The following CNIH4 variants were observed in gnomAD, a reference collection of about 807,000 sequenced individuals.
CNIH4 encodes protein cornichon homolog 4.
In CNIH4, 9 loss-of-function variants were observed where a neutral mutation model predicts 21.5. The observed-to-expected ratio is 0.42, with a 90% CI of 0.25 to 0.73. The LOEUF is 0.73. Ranked by LOEUF, CNIH4 falls within the 30% of genes least tolerant of loss-of-function variation. The probability of loss-of-function intolerance (pLI) is 0.27; values close to 1 mark genes in which losing one functional copy is unlikely to be tolerated. For missense variants in CNIH4, 159 were observed against 170.0 expected (o/e 0.94, Z 0.36); for synonymous variants, 67 against 59.1 (o/e 1.13, Z -0.61).
chr1:224,359,380 G>A (rs903677578), intron 1 of CNIH4, among the ~76,000 whole-genome samples: 4 of 152,122 alleles, frequency 2.6e-5, no homozygotes, highest in Admixed American at 2.6e-4. Context: ...TGAAAGGAGG[G>A]AATATGTGAG....
intron 1 of CNIH4, among the ~76,000 whole-genome samples, chr1:224,359,462 T>A (rs1156329238): frequency 6.6e-6 from 1 of 152,182 alleles, no homozygotes; most frequent in African/African-American, 2.4e-5. Flanking sequence ...AAGGCAGAGA[T>A]AGCTTTCCAT....
intron 3 of CNIH4, among the ~76,000 whole-genome samples, chr1:224,368,928 A>G (rs1354960938): frequency 7.3e-6 from 1 of 136,664 alleles, no homozygotes; most frequent in Non-Finnish European, 1.6e-5. Context: ...TTTTTTTGAT[A>G]TCAAAAAAAT....
intron 4 of CNIH4, among the ~76,000 whole-genome samples, chr1:224,372,966 C>T (rs1672676036): frequency 1.3e-5 from 2 of 152,058 alleles, no homozygotes; most frequent in South Asian, 4.1e-4. Flanking sequence ...AAGCAGGCTT[C>T]CTAAAATCCC....
rs1207297003 is a variant in CNIH4, at chr1:224,378,927, TTC to T, written c.*3112_*3113del. 3 of 767,622 alleles carry T rather than the reference TTC, an allele frequency of 3.9e-6. No individual in the cohort carries two copies. Among genetic ancestry groups the T allele is most frequent in the Admixed American group, 2.1e-5 (1 of 46,552 alleles). 47.6% of individuals were successfully genotyped at this position (767,622 alleles called of 1,614,324 possible). A position where few individuals can be genotyped will look rare whatever the true frequency, so the allele number is the denominator to read the frequency against. ...CTGAATGCTGAGGCTTAGTCCAGTG[TTC>T]TCTCTCCCTTACCACTCCTCTTCCC... On this transcript the variant is annotated 3_prime_UTR_variant, in exon 5 of 5. Coordinates refer to ENST00000465271, the MANE Select transcript of CNIH4 (RefSeq NM_014184.4).
In CNIH4 at chr1:224,379,111, AAAG is replaced by A. The variant is rs1672853187; in HGVS notation, c.*3294_*3296del. 18 of 1,550,388 alleles carry A rather than the reference AAAG, an allele frequency of 1.2e-5. No homozygotes were observed. Among genetic ancestry groups the A allele is most frequent in the Non-Finnish European group, 1.6e-5 (18 of 1,146,916 alleles). ...GCTAATCACCGTAACCTCGGCTGAG[AAAG>A]AAGAGGAAGCGAAATCCAAGATGCA... On this transcript the variant is annotated 3_prime_UTR_variant, in exon 5 of 5. Coordinates refer to ENST00000465271, the MANE Select transcript of CNIH4 (RefSeq NM_014184.4).
In CNIH4 at chr1:224,363,756, T is replaced by C. The variant is rs542304206; in HGVS notation, c.139-2123T>C. Reference sequence around the variant, plus strand: ...TTTCTTCAAATTTCTGATATATGACTGCCTATTCATATTTAAGGGTAAAGC... The same window carrying C: ...TTTCTTCAAATTTCTGATATATGACCGCCTATTCATATTTAAGGGTAAAGC... On this transcript the variant is annotated intron_variant, in intron 2 of 4. Coordinates refer to ENST00000465271, the MANE Select transcript of CNIH4 (RefSeq NM_014184.4). Among the ~76,000 whole-genome samples, 3 of 152,332 alleles carry C rather than the reference T, an allele frequency of 2.0e-5. No homozygotes were observed. The South Asian group carries it at 6.2e-4, about 32-fold the overall frequency.
chr1:224,360,456 T>C (rs781620037), intron 1 of CNIH4, 39 bp from the exon 2 acceptor site: 1 of 1,057,274 alleles, frequency 9.5e-7, no homozygotes. Flanking sequence ...ACTTAGTTAT[T>C]ATAAAAGAAA....
At chr1:224,363,605 G>A (rs1307577996) in intron 2 of CNIH4, among the ~76,000 whole-genome samples, 1 of 152,136 alleles carries the variant, frequency 6.6e-6, no homozygotes, top group Non-Finnish European at 1.5e-5. Context: ...GACTGCAGAT[G>A]TGCACCACCA....
At chr1:224,357,895 A>G (rs1428587495) in intron 1 of CNIH4, among the ~76,000 whole-genome samples, 2 of 152,216 alleles carry the variant, frequency 1.3e-5, no homozygotes, top group East Asian at 1.9e-4. Flanking sequence ...TTGTTGCCCA[A>G]TGTTGTATTG....
intron 2 of CNIH4, among the ~76,000 whole-genome samples, chr1:224,364,805 C>T (rs907286927): frequency 1.3e-4 from 20 of 151,848 alleles, no homozygotes; most frequent in African/African-American, 4.3e-4. Context: ...TGGTGGCGGG[C>T]GCCTGTAGTC....
Position 224,379,150 on chromosome 1 carries a change from T to A in CNIH4, c.*3328T>A. 6.5e-7 allele frequency: 1 copy of A among 1,536,268 alleles called. No individual in the cohort carries two copies. The highest frequency in any genetic ancestry group is 1.7e-4 in the Middle Eastern group (1 of 5,960). On this transcript the variant is annotated 3_prime_UTR_variant, in exon 5 of 5. Transcript: ENST00000465271. ...GAAATCCAAGATGCAGCTCAGTTCA[T>A]CAAAGCCTAGCAGGTCCCCTCAGCT...
At chr1:224,368,930 C>A (rs1461281631) in intron 3 of CNIH4, among the ~76,000 whole-genome samples, 8 of 136,504 alleles carry the variant, frequency 5.9e-5, no homozygotes, top group East Asian at 2.1e-4. Context: ...TTTTTGATAT[C>A]AAAAAAATAC....
chr1:224,379,103 C>T lies in CNIH4; in HGVS notation c.*3281C>T, dbSNP rs188007583. ...CTGCCCTTGCTAATCACCGTAACCT[C>T]GGCTGAGAAAGAAGAGGAAGCGAAA... On this transcript the variant is annotated 3_prime_UTR_variant, in exon 5 of 5. Coordinates refer to ENST00000465271, the MANE Select transcript of CNIH4 (RefSeq NM_014184.4). 5.8e-6 allele frequency: 9 copies of T among 1,550,542 alleles called. No homozygotes were observed. The highest frequency in any genetic ancestry group is 1.7e-4 in the Middle Eastern group (1 of 5,992).
chr1:224,370,117 G>A (rs1306788205), intron 3 of CNIH4, among the ~76,000 whole-genome samples: 2 of 151,898 alleles, frequency 1.3e-5, no homozygotes, highest in African/African-American at 4.8e-5. Flanking sequence ...CTAAGTAAGT[G>A]GTGGTAGGAA....
rs112623354 is a variant in CNIH4, at chr1:224,371,770, C to G, written c.392+347C>G. Among the ~76,000 whole-genome samples the G allele has an allele frequency of 9.8e-3, 1,494 of 152,262 alleles. 19 individuals are homozygous for G. Among genetic ancestry groups the G allele is most frequent in the African/African-American group, 0.033 (1,382 of 41,540 alleles). ...CCAGCCTGACCAACATGGAGAAACA[C>G]CGACTCTACTAAAAATACAAAATTA... On this transcript the variant is annotated intron_variant, in intron 4 of 4. Coordinates refer to ENST00000465271, the MANE Select transcript of CNIH4 (RefSeq NM_014184.4).
At chr1:224,360,045 A>G (rs921940445) in intron 1 of CNIH4, among the ~76,000 whole-genome samples, 14 of 152,022 alleles carry the variant, frequency 9.2e-5, no homozygotes, top group Admixed American at 7.9e-4. Flanking sequence ...CTGAGGCACA[A>G]GAATTGCTTG....
At chr1:224,363,314 G>A (rs912572305) in intron 2 of CNIH4, among the ~76,000 whole-genome samples, 3 of 152,172 alleles carry the variant, frequency 2.0e-5, no homozygotes, top group African/African-American at 4.8e-5. Flanking sequence ...AAAGTGCTGG[G>A]ATTACAGGCA....
At chr1:224,364,041 G>A (rs998478876) in intron 2 of CNIH4, 4 of 985,206 alleles carry the variant, frequency 4.1e-6, no homozygotes, top group East Asian at 1.1e-4. Context: ...AAAAAACAGA[G>A]GACTTGGTTG....
At chr1:224,365,828 A>G (rs1228072448) in intron 2 of CNIH4, 51 bp from the exon 3 acceptor site, 1 of 1,033,004 alleles carries the variant, frequency 9.7e-7, no homozygotes. Flanking sequence ...TAACATGTAC[A>G]GTCAGGAAGG....
Sources: allele counts gnomAD v4.1 joint callset (sites outside exome capture counted in the v4.1 genomes callset), GRCh38; gene constraint gnomAD v4.1.1; transcripts MANE v1.5; gene names NCBI Gene and HGNC (gene_info 2026-07-23, HGNC 2026-07-21).